The following SCUBE1 variants were observed in gnomAD, a reference collection of about 807,000 sequenced individuals.
SCUBE1 encodes signal peptide, CUB and EGF-like domain-containing protein 1.
In SCUBE1, 59 loss-of-function variants were observed where a neutral mutation model predicts 124.4. The observed-to-expected ratio is 0.47, with a 90% CI of 0.38 to 0.59. The LOEUF (loss-of-function observed/expected upper bound fraction) is 0.59. SCUBE1 is among the 20% of genes least tolerant of loss of function. The pLI, the probability that SCUBE1 is intolerant of heterozygous loss-of-function variation, is 0.00. For synonymous variants in SCUBE1, 545 were observed against 550.9 expected (o/e 0.99, Z 0.15); for missense variants, 1,150 against 1,371.2 (o/e 0.84, Z 2.55).
chr22:43,206,600 C>T (rs1397064553), intron 21 of SCUBE1, among the ~76,000 whole-genome samples: 3 of 151,644 alleles, frequency 2.0e-5, no homozygotes, highest in Non-Finnish European at 4.4e-5. Flanking sequence ...GCCCAGAGTA[C>T]GACAGGATGT....
rs77078291 is a variant in SCUBE1, at chr22:43,275,108, G to A, written c.485-12263C>T. On this transcript the variant is annotated intron_variant, in intron 4 of 21. Coordinates refer to ENST00000360835, the MANE Select transcript of SCUBE1 (RefSeq NM_173050.5). ...TGATGTGGAGGCGAGGCTGGGCAGC[G>A]GGAGGGAAAGGTGTTCTGGAGCAGG... 7.2e-3 allele frequency among the ~76,000 whole-genome samples: 1,097 copies of A among 152,328 alleles called. 13 individuals carry two copies. Among genetic ancestry groups the A allele is most frequent in the African/African-American group, 0.025 (1,025 of 41,576 alleles).
At position 43,339,246 on chromosome 22, in the gene SCUBE1, G is replaced by A; in HGVS notation, c.89-11C>T. The A allele has an allele frequency of 1.2e-6, 2 of 1,612,244 alleles. No homozygotes were observed. Among genetic ancestry groups the A allele is most frequent in the Non-Finnish European group, 1.7e-6 (2 of 1,178,798 alleles). On this transcript the variant is annotated splice_polypyrimidine_tract_variant and intron_variant, in intron 1 of 21. Coordinates refer to ENST00000360835, the MANE Select transcript of SCUBE1 (RefSeq NM_173050.5). The stretch of plus-strand genomic sequence containing the variant: ...CCACGTCGACTGACCCTGTGGGTAG[G>A]GGTGTGGGGGGAATAAGAGGTAAGG...
chr22:43,259,429 A>G (rs1923789547), intron 5 of SCUBE1, among the ~76,000 whole-genome samples: 1 of 152,346 alleles, frequency 6.6e-6, no homozygotes. Flanking sequence ...GAAGGGGCAA[A>G]AATCCCAAAT....
chr22:43,304,234 C>T (rs1008373331), intron 3 of SCUBE1, among the ~76,000 whole-genome samples: 2 of 152,232 alleles, frequency 1.3e-5, no homozygotes, highest in Non-Finnish European at 2.9e-5. Flanking sequence ...CATCTGCCAC[C>T]GTCTTTTCTA....
chr22:43,316,120 T>C (rs910435882), intron 3 of SCUBE1, among the ~76,000 whole-genome samples: 24 of 152,296 alleles, frequency 1.6e-4, no homozygotes, highest in African/African-American at 5.5e-4. Context: ...ATGTTGAATA[T>C]TTGGTGCCAG....
chr22:43,212,117 G>GCCCC (rs1334839735), intron 17 of SCUBE1, among the ~76,000 whole-genome samples: 3 of 148,056 alleles, frequency 2.0e-5, no homozygotes, highest in African/African-American at 7.5e-5. Flanking sequence ...CCACACTCCT[G>GCCCC]CCCCCTCCTC....
At chr22:43,264,657 C>T (rs918239587) in intron 4 of SCUBE1, among the ~76,000 whole-genome samples, 2 of 152,226 alleles carry the variant, frequency 1.3e-5, no homozygotes, top group African/African-American at 4.8e-5. Flanking sequence ...GGGTCGCCCC[C>T]TTCATCCCTG....
At chr22:43,287,077 C>T (rs895024792) in intron 4 of SCUBE1, among the ~76,000 whole-genome samples, 13 of 152,096 alleles carry the variant, frequency 8.5e-5, no homozygotes, top group Non-Finnish European at 1.2e-4. Flanking sequence ...GGGCTGTGGC[C>T]AGAGGAGGGA....
rs1453547546 is a variant in SCUBE1, at chr22:43,204,731, G to A, written c.2815-582C>T. Among the ~76,000 whole-genome samples, 19 of 151,902 alleles carry A rather than the reference G, an allele frequency of 1.3e-4. No homozygotes were observed. The East Asian group carries it at 3.7e-3, about 30-fold the overall frequency. On this transcript the variant is annotated intron_variant, in intron 21 of 21. Transcript: ENST00000360835. Reference sequence around the variant, plus strand: ...AGGCTGAGGCGGGCAGATCACCTGAGGTCAAGAGTTTGAGACCAGGCTGAT... The same window carrying A: ...AGGCTGAGGCGGGCAGATCACCTGAAGTCAAGAGTTTGAGACCAGGCTGAT...
chr22:43,214,047 G>GGCCCCCCCCCC, intron 16 of SCUBE1, 43 bp downstream of exon 16: 5 of 143,440 alleles, frequency 3.5e-5, no homozygotes, highest in East Asian at 2.8e-4. Flanking sequence ...AGGAGCCCCC[G>GGCCCCCCCCCC]CCCACCCCCC....
chr22:43,221,289 T>C lies in SCUBE1; in HGVS notation c.1433A>G (p.Asp478Gly), dbSNP rs916483867. 5 of 1,606,156 alleles carry C rather than the reference T, an allele frequency of 3.1e-6. No homozygotes were observed. Among genetic ancestry groups the C allele is most frequent in the Non-Finnish European group, 4.2e-6 (5 of 1,178,572 alleles). Residue 478 changes from aspartate (D) to glycine (G), a missense_variant and splice_region_variant, in exon 13 of 22, where the codon GAT (aspartate) becomes GGT (glycine). Around this residue, in one of 3 missense-constraint regions of SCUBE1, gnomAD observed 757 missense variants for 840.9 expected, o/e 0.90. Transcript: ENST00000360835. ...TSSGLGPSCS[D>G]APTTPIKQKA... is the part of the protein sequence containing the mutation. ...CTGTTTGATGGGGGTGGTGGGGGCA[T>C]CTGGGGAAAGCCAAAATTCCCCCAG...
At chr22:43,230,939 G>A (rs1406212292) in intron 8 of SCUBE1, among the ~76,000 whole-genome samples, 3 of 152,196 alleles carry the variant, frequency 2.0e-5, no homozygotes, top group Admixed American at 6.5e-5. Flanking sequence ...CATGCTGCCC[G>A]CAACTGCTGG....
At chr22:43,321,543 C>T (rs986030188) in intron 2 of SCUBE1, among the ~76,000 whole-genome samples, 8 of 152,180 alleles carry the variant, frequency 5.3e-5, no homozygotes, top group African/African-American at 9.7e-5. Context: ...CAGAAGTGAA[C>T]GCGCCAGAGT....
In SCUBE1 at chr22:43,255,261, AAGTG is replaced by A. The variant is rs1325417223; in HGVS notation, c.727+2954_727+2957del. On this transcript the variant is annotated intron_variant, in intron 6 of 21. Transcript: ENST00000360835. This position sits in a 1 kb window ranked among gnomAD's most constrained non-coding sequence, Gnocchi z 4.7. ...GAGGGTAAAAACTTTAAAAAGGAAA[AAGTG>A]AGTTCACACCTGGAGTGGAGCCCCC... Among the ~76,000 whole-genome samples the A allele has an allele frequency of 1.3e-5, 2 of 152,154 alleles. No individual in the cohort carries two copies. The highest frequency in any genetic ancestry group is 2.9e-5 in the Non-Finnish European group (2 of 68,032).
intron 3 of SCUBE1, among the ~76,000 whole-genome samples, chr22:43,310,575 C>G (rs539492941): frequency 6.6e-6 from 1 of 152,350 alleles, no homozygotes; most frequent in African/African-American, 2.4e-5. Context: ...AGTCTCCCAG[C>G]TGAGGCCCCA....
intron 3 of SCUBE1, among the ~76,000 whole-genome samples, chr22:43,318,776 C>G (rs2146783033): frequency 6.6e-6 from 1 of 152,286 alleles, no homozygotes; most frequent in South Asian, 2.1e-4. Flanking sequence ...GTCGCCCGGG[C>G]TGGAGTGCAA....
Position 43,258,971 on chromosome 22 carries a change from T to C in SCUBE1, c.611-636A>G, listed in dbSNP as rs1230433923. Among the ~76,000 whole-genome samples the C allele has an allele frequency of 6.6e-6, 1 of 152,248 alleles. No homozygotes were observed. The highest frequency in any genetic ancestry group is 2.1e-4 in the South Asian group (1 of 4,818). ...GTCATCTGAGGTACGGTTTTGAAAA[T>C]CACCTAAATAATAACCACGTTACAT... On this transcript the variant is annotated intron_variant, in intron 5 of 21. Transcript: ENST00000360835. This position sits in a 1 kb window ranked among gnomAD's most constrained non-coding sequence, Gnocchi z 5.0.
intron 3 of SCUBE1, among the ~76,000 whole-genome samples, chr22:43,305,815 C>G (rs1486359981): frequency 6.6e-6 from 1 of 152,202 alleles, no homozygotes; most frequent in African/African-American, 2.4e-5. Flanking sequence ...ATTAAAGTAG[C>G]ACCTGGGAGG....
At chr22:43,291,622 G>A (rs1157567165) in intron 3 of SCUBE1, among the ~76,000 whole-genome samples, 2 of 151,918 alleles carry the variant, frequency 1.3e-5, no homozygotes, top group Non-Finnish European at 2.9e-5. Flanking sequence ...GCGCTACAGT[G>A]GCATGGTGGG....
Sources: allele counts gnomAD v4.1 joint callset (sites outside exome capture counted in the v4.1 genomes callset), GRCh38; gene constraint gnomAD v4.1.1; regional missense constraint gnomAD v4.1.1; non-coding constraint Gnocchi (gnomAD v3.1); transcripts MANE v1.5; gene names NCBI Gene and HGNC (gene_info 2026-07-23, HGNC 2026-07-21).